Variants in CCDC102B observed in about 807,000 individuals in gnomAD.
The protein encoded by CCDC102B is coiled-coil domain-containing protein 102B.
A neutral mutation model predicts 57.4 loss-of-function variants in CCDC102B; 75 were observed. That is an observed-to-expected ratio of 1.31 (90% CI 1.08 to 1.58). The LOEUF is 1.58. Among genes scored for constraint, CCDC102B ranks in the 40% most tolerant of loss-of-function variants. The probability of loss-of-function intolerance (pLI) is 0.00; values close to 1 mark genes in which losing one functional copy is unlikely to be tolerated. For synonymous variants in CCDC102B, 206 were observed against 201.9 expected (o/e 1.02, Z -0.17); for missense variants, 636 against 582.6 (o/e 1.09, Z -0.94).
intron 6 of CCDC102B, 39 bp from the exon 7 acceptor site, chr18:69,010,895 T>G (rs2145392687): frequency 6.8e-7 from 1 of 1,469,260 alleles, no homozygotes; most frequent in African/African-American, 1.4e-5. Context: ...TTTATCAGAA[T>G]AGACTATAAA....
At chr18:68,999,977 T>C (rs1024958848) in intron 6 of CCDC102B, among the ~76,000 whole-genome samples, 4 of 152,200 alleles carry the variant, frequency 2.6e-5, no homozygotes, top group African/African-American at 4.8e-5. Flanking sequence ...CCTATTGATA[T>C]AGTACATGCT....
chr18:68,828,863 C>T (rs1266261325), intron 1 of CCDC102B, among the ~76,000 whole-genome samples: 1 of 151,494 alleles, frequency 6.6e-6, no homozygotes, highest in Non-Finnish European at 1.5e-5. Flanking sequence ...AAGTTAAATA[C>T]TGTTATAATT....
At chr18:68,816,726 A>T (rs1376722107) in intron 1 of CCDC102B, among the ~76,000 whole-genome samples, 1 of 152,092 alleles carries the variant, frequency 6.6e-6, no homozygotes, top group Non-Finnish European at 1.5e-5. Context: ...GGCGTCTCAA[A>T]GTGTTGGGAT....
chr18:68,911,712 A>G (rs942329411), intron 6 of CCDC102B, among the ~76,000 whole-genome samples: 1 of 123,284 alleles, frequency 8.1e-6, no homozygotes, highest in Non-Finnish European at 1.6e-5. Context: ...AGATCGCGCC[A>G]CTGCACTCCA....
rs1599789434 is a variant in CCDC102B, at chr18:68,981,406, A to G, written c.1264-29528A>G. Among the ~76,000 whole-genome samples, 5 of 152,126 alleles carry G rather than the reference A, an allele frequency of 3.3e-5. No individual in the cohort carries two copies. In the South Asian group the frequency reaches 1.0e-3, roughly 32 times the overall value. ...GACATGAGGCATAAGGGACAGGACG[A>G]TGGTGTGAAAGTCTTGATATTGTCA... On this transcript the variant is annotated intron_variant, in intron 6 of 7. Coordinates refer to ENST00000360242, the MANE Select transcript of CCDC102B (RefSeq NM_024781.3).
At chr18:68,923,968 A>G (rs12454992) in intron 6 of CCDC102B, among the ~76,000 whole-genome samples, 129,776 of 151,962 alleles carry the variant, frequency 0.85, 55,737 homozygotes, top group East Asian at 0.96. Flanking sequence ...CTTTCCTGAA[A>G]TGCCTGTTTC....
At chr18:68,830,873 G>A (rs1424115249) in intron 1 of CCDC102B, among the ~76,000 whole-genome samples, 3 of 151,820 alleles carry the variant, frequency 2.0e-5, no homozygotes, top group Admixed American at 2.0e-4. Flanking sequence ...GGCAGGCGAA[G>A]CACCATAAAG....
chr18:68,852,901 T>G (rs1314440587), intron 4 of CCDC102B, among the ~76,000 whole-genome samples: 1 of 152,158 alleles, frequency 6.6e-6, no homozygotes, highest in Non-Finnish European at 1.5e-5. Context: ...AAGTTTGAGT[T>G]TCAGGGCCCC....
At chr18:68,796,843 A>ATG (rs35894372), upstream of CCDC102B, among the ~76,000 whole-genome samples, 35,153 of 146,902 alleles carry the variant, frequency 0.24, 4,408 homozygotes, top group East Asian at 0.53. Flanking sequence ...ATGTACATGC[A>ATG]TGTGTGTGTG....
At chr18:68,919,536 G>T (rs1317745027) in intron 6 of CCDC102B, among the ~76,000 whole-genome samples, 1 of 152,098 alleles carries the variant, frequency 6.6e-6, no homozygotes, top group Non-Finnish European at 1.5e-5. Context: ...TATTCATCTT[G>T]TTAGAGTCAC....
At chr18:69,037,286 A>G (rs1210087807) in intron 7 of CCDC102B, among the ~76,000 whole-genome samples, 1 of 152,066 alleles carries the variant, frequency 6.6e-6, no homozygotes, top group Non-Finnish European at 1.5e-5. Context: ...ATACACACAC[A>G]CATCCCATGT....
At chr18:68,900,947 G>A (rs920610150) in intron 6 of CCDC102B, among the ~76,000 whole-genome samples, 27 of 152,258 alleles carry the variant, frequency 1.8e-4, no homozygotes, top group African/African-American at 6.0e-4. Context: ...AAATTGCACT[G>A]TCACCAGATA....
intron 2 of CCDC102B, chr18:68,754,330 T>G (rs2033969037): frequency 6.6e-6 from 1 of 152,164 alleles, no homozygotes; most frequent in Non-Finnish European, 1.5e-5. Context: ...ATTCCACATT[T>G]TAAAGAACTA....
chr18:68,853,223 C>G (rs2038212356), intron 4 of CCDC102B, among the ~76,000 whole-genome samples: 2 of 152,082 alleles, frequency 1.3e-5, no homozygotes, highest in Non-Finnish European at 2.9e-5. Flanking sequence ...CTGAAATGTA[C>G]TTGATAATGC....
At chr18:68,875,799 G>C (rs1318830586) in intron 5 of CCDC102B, among the ~76,000 whole-genome samples, 1 of 152,126 alleles carries the variant, frequency 6.6e-6, no homozygotes, top group African/African-American at 2.4e-5. Context: ...CAAGGGAACA[G>C]TTTTCTGAGA....
chr18:68,789,874 G>A (rs930780930), intron 2 of CCDC102B, among the ~76,000 whole-genome samples: 3 of 151,956 alleles, frequency 2.0e-5, no homozygotes, highest in African/African-American at 7.3e-5. Context: ...TGCTGGTGAG[G>A]AACTGCGTTC....
intron 5 of CCDC102B, among the ~76,000 whole-genome samples, chr18:68,876,297 C>T (rs2039445414): frequency 6.6e-6 from 1 of 152,140 alleles, no homozygotes; most frequent in Non-Finnish European, 1.5e-5. Flanking sequence ...CTTCAGAGAA[C>T]AGCCTTCAGT....
At chr18:68,937,235 A>G (rs2049264976) in intron 6 of CCDC102B, among the ~76,000 whole-genome samples, 4 of 152,090 alleles carry the variant, frequency 2.6e-5, no homozygotes, top group Admixed American at 2.0e-4. Flanking sequence ...GCACTTTAGC[A>G]AAATGCTTGG....
Position 69,017,995 on chromosome 18 carries a change from C to CTG in CCDC102B, c.1434+6911_1434+6912dup, listed in dbSNP as rs61238979. ...TCCTTCTTTTTAAGGCTAAATATTT[C>CTG]TGTGTGTGTGTGTGTGTGTGTATCT... On this transcript the variant is annotated intron_variant, in intron 7 of 7. Transcript: ENST00000360242. 5.5e-3 allele frequency among the ~76,000 whole-genome samples: 826 copies of CTG among 149,494 alleles called. 2 individuals carry two copies. The highest frequency in any genetic ancestry group is 0.011 in the African/African-American group (440 of 40,936).
Sources: allele counts gnomAD v4.1 joint callset (sites outside exome capture counted in the v4.1 genomes callset), GRCh38; gene constraint gnomAD v4.1.1; transcripts MANE v1.5; gene names NCBI Gene and HGNC (gene_info 2026-07-23, HGNC 2026-07-21).